The following RNF214 variants were observed in gnomAD, a reference collection of about 807,000 sequenced individuals.
RNF214 encodes ring finger protein 214.
A neutral mutation model predicts 75.9 loss-of-function variants in RNF214; 25 were observed. The observed-to-expected ratio is 0.33, with a 90% CI of 0.24 to 0.46. The LOEUF (loss-of-function observed/expected upper bound fraction) is 0.46, where lower values mean the gene tolerates loss of function less well. Among genes scored for constraint, RNF214 ranks in the 20% least tolerant of loss-of-function variants. The probability of loss-of-function intolerance (pLI) is 1.00; values close to 1 mark genes in which losing one functional copy is unlikely to be tolerated. For missense variants in RNF214, 725 were observed against 857.5 expected (o/e 0.85, Z 1.93); for synonymous variants, 314 against 308.8 (o/e 1.02, Z -0.18).
At position 117,239,862 on chromosome 11, in the gene RNF214, TA is replaced by T; in HGVS notation, c.678+4del. The stretch of plus-strand genomic sequence containing the variant: ...GATCAAGATATTGAAAAGAATTTGG[TA>T]AGTATTTAAACTGTCCTTGTTATAT... On this transcript the variant is annotated splice_donor_region_variant and intron_variant, in intron 4 of 14. Transcript: ENST00000300650. 2 of 1,483,844 alleles carry T rather than the reference TA, an allele frequency of 1.3e-6. No individual in the cohort carries two copies. The highest frequency in any genetic ancestry group is 1.4e-5 in the African/African-American group (1 of 72,536). The allele number at this position is 1,483,844 out of a possible 1,614,324, so 91.9% of individuals were successfully genotyped here. A position where few individuals can be genotyped will look rare whatever the true frequency, so the allele number is the denominator to read the frequency against.
chr11:117,243,130 T>G (rs960007134), intron 4 of RNF214, among the ~76,000 whole-genome samples: 1 of 120,358 alleles, frequency 8.3e-6, no homozygotes, highest in Non-Finnish European at 1.6e-5. Flanking sequence ...AGAGCCTTTT[T>G]TATTAATTAA....
intron 6 of RNF214, among the ~76,000 whole-genome samples, chr11:117,249,403 A>G (rs887684247): frequency 2.0e-5 from 3 of 152,076 alleles, no homozygotes; most frequent in African/African-American, 7.2e-5. Flanking sequence ...TTAAATGTAT[A>G]TGTCACGGTG....
chr11:117,263,899 A>G, intron 6 of RNF214: 1 of 268,274 alleles, frequency 3.7e-6, no homozygotes. Flanking sequence ...AGTCTCCTTC[A>G]GTTTAGGAGG....
At chr11:117,245,362 C>T (rs1360485539) in intron 5 of RNF214, among the ~76,000 whole-genome samples, 5 of 146,090 alleles carry the variant, frequency 3.4e-5, no homozygotes, top group Non-Finnish European at 6.0e-5. Context: ...TTTTTTGAGA[C>T]GGAGTCTCGC....
chr11:117,254,420 G>A (rs1402613062), intron 6 of RNF214, among the ~76,000 whole-genome samples: 1 of 151,982 alleles, frequency 6.6e-6, no homozygotes, highest in Non-Finnish European at 1.5e-5. Context: ...TCTCTTTCTT[G>A]TTCAGTGACC....
Position 117,281,784 on chromosome 11 carries a change from T to C in RNF214, c.1335+86T>C, listed in dbSNP as rs2034132581. On this transcript the variant is annotated intron_variant, in intron 10 of 14. Transcript: ENST00000300650. ...TCTGCGTGTTCTTTTTATGAAGATATTGGGACCATCCCTATTCAGTGCAAG... is the reference window on the plus strand; with the variant it reads ...TCTGCGTGTTCTTTTTATGAAGATACTGGGACCATCCCTATTCAGTGCAAG... 37 of 1,510,720 alleles carry C rather than the reference T, an allele frequency of 2.4e-5. 1 individual carries two copies. The highest frequency in any genetic ancestry group is 1.7e-4 in the Middle Eastern group (1 of 5,832). The allele number at this position is 1,510,720 out of a possible 1,614,324, so 93.6% of individuals were successfully genotyped here. A position where few individuals can be genotyped will look rare whatever the true frequency, so the allele number is the denominator to read the frequency against.
At chr11:117,254,718 G>A (rs1435899354) in intron 6 of RNF214, among the ~76,000 whole-genome samples, 2 of 151,798 alleles carry the variant, frequency 1.3e-5, no homozygotes, top group East Asian at 3.9e-4. Context: ...CCGCCTCCTG[G>A]GTTCAAGTGA....
intron 3 of RNF214, chr11:117,239,444 T>C (rs1017010714): frequency 2.2e-6 from 1 of 448,322 alleles, no homozygotes; most frequent in Non-Finnish European, 4.0e-6. Context: ...CCTTGTTAAT[T>C]CTCTGAGTCA....
Position 117,282,418 on chromosome 11 carries a change from A to C in RNF214, c.1727A>C (p.Asn576Thr). 1 of 1,614,032 alleles carries C rather than the reference A, an allele frequency of 6.2e-7. No individual in the cohort carries two copies. Among genetic ancestry groups the C allele is most frequent in the South Asian group, 1.1e-5 (1 of 91,060 alleles). Residue 576 changes from asparagine (N) to threonine (T), a missense_variant, in exon 12 of 15, where the codon AAC becomes ACC. Transcript: ENST00000300650. ...FPQCNKAQMT[N>T]ILQQIKTART... Reference sequence around the variant, plus strand: ...TTTTTCCTCAGGGCCCAGATGACCAACATTCTTCAGCAGATCAAGACAGCA... The same window carrying C: ...TTTTTCCTCAGGGCCCAGATGACCACCATTCTTCAGCAGATCAAGACAGCA...
intron 6 of RNF214, among the ~76,000 whole-genome samples, chr11:117,255,262 C>T (rs776308077): frequency 5.9e-5 from 9 of 152,174 alleles, no homozygotes; most frequent in Non-Finnish European, 8.8e-5. Context: ...AGGCATTCTT[C>T]CTTTCTTCCT....
rs1458970300 is a variant in RNF214 at position 117,280,183 on chromosome 11, G to C, written c.1069G>C (p.Glu357Gln). 1 of 1,613,214 alleles carries C rather than the reference G, an allele frequency of 6.2e-7. No individual in the cohort carries two copies. Among genetic ancestry groups the C allele is most frequent in the Non-Finnish European group, 8.5e-7 (1 of 1,179,250 alleles). ...RAWKAEILSLESRKELLVLKL... is the reference protein window; with the variant it reads ...RAWKAEILSLQSRKELLVLKL... ...GTGGCTTCCTTAGATCTTATCACTAGAGAGCCGGAAAGAGTTACTGGTACT... is the reference window on the plus strand; with the variant it reads ...GTGGCTTCCTTAGATCTTATCACTACAGAGCCGGAAAGAGTTACTGGTACT... Residue 357 changes from glutamate (E) to glutamine (Q), a missense_variant, in exon 8 of 15, where the codon GAG (glutamate) becomes CAG (glutamine). This residue lies in a region of RNF214 where 363 missense variants were observed against 513.0 expected (regional missense o/e 0.71). Coordinates refer to ENST00000300650, the MANE Select transcript of RNF214 (RefSeq NM_207343.4).
intron 14 of RNF214, among the ~76,000 whole-genome samples, chr11:117,284,312 A>G (rs986215224): frequency 1.3e-5 from 2 of 152,222 alleles, no homozygotes; most frequent in African/African-American, 4.8e-5. Flanking sequence ...TTATGTTGCC[A>G]GCAGAGTTAA....
intron 8 of RNF214, among the ~76,000 whole-genome samples, chr11:117,280,480 A>C (rs1565348296): frequency 6.6e-6 from 1 of 152,090 alleles, no homozygotes. Flanking sequence ...ATAGTTTTGC[A>C]TTTTTTAATG....
Position 117,282,458 on chromosome 11 carries a change from A to C in RNF214, c.1767A>C (p.Ala589=). The part of the protein sequence containing the change: ...QQIKTARTTM[A]GLTMEELIQL... ...TCAAGACAGCACGTACCACCATGGC[A>C]GGCCTGACCATGGAGGAACTTATCC... The change falls in exon 12 of 15, where the codon GCA becomes GCC. Residue 589 remains alanine (A), a synonymous_variant. Transcript: ENST00000300650. 1 of 1,614,210 alleles carries C rather than the reference A, an allele frequency of 6.2e-7. No individual in the cohort carries two copies.
chr11:117,269,260 A>G (rs1003292631), intron 6 of RNF214, among the ~76,000 whole-genome samples: 1 of 152,188 alleles, frequency 6.6e-6, no homozygotes, highest in African/African-American at 2.4e-5. Context: ...ATGAAAAATA[A>G]AAAAAAGAAT....
At chr11:117,234,442 T>C (rs976997798) in intron 2 of RNF214, 63 bp downstream of exon 2, 5 of 1,161,968 alleles carry the variant, frequency 4.3e-6, no homozygotes, top group Non-Finnish European at 6.5e-6. Flanking sequence ...GATGGTCTTG[T>C]GTAGCTGGTC....
chr11:117,284,574 TC>T (rs2034205376), intron 14 of RNF214, among the ~76,000 whole-genome samples: 1 of 152,142 alleles, frequency 6.6e-6, no homozygotes, highest in Non-Finnish European at 1.5e-5. Flanking sequence ...TTGTTAATGT[TC>T]CTCATAAAAA....
At chr11:117,262,571 A>G (rs2033690450) in intron 6 of RNF214, among the ~76,000 whole-genome samples, 1 of 151,788 alleles carries the variant, frequency 6.6e-6, no homozygotes, top group South Asian at 2.1e-4. Flanking sequence ...TTGTAAATAC[A>G]GGGTCTCGCT....
chr11:117,267,479 AG>A (rs2033820054), intron 6 of RNF214, among the ~76,000 whole-genome samples: 1 of 152,072 alleles, frequency 6.6e-6, no homozygotes, highest in Admixed American at 6.6e-5. Flanking sequence ...TGGGAGGCCG[AG>A]GTGGGTGGAT....
Sources: allele counts gnomAD v4.1 joint callset (sites outside exome capture counted in the v4.1 genomes callset), GRCh38; gene constraint gnomAD v4.1.1; regional missense constraint gnomAD v4.1.1; transcripts MANE v1.5; gene names NCBI Gene and HGNC (gene_info 2026-07-23, HGNC 2026-07-21).